Variants in TTC27 observed in about 807,000 individuals in gnomAD.
TTC27 encodes tetratricopeptide repeat domain 27.
In TTC27, 79 loss-of-function variants were observed where a neutral mutation model predicts 115.9. That is an observed-to-expected ratio of 0.68 (90% CI 0.57 to 0.82). The LOEUF (loss-of-function observed/expected upper bound fraction) is 0.82, where lower values mean the gene tolerates loss of function less well. TTC27 is among the 40% of genes least tolerant of loss of function. The pLI, the probability that TTC27 is intolerant of heterozygous loss-of-function variation, is 0.00. For synonymous variants in TTC27, 401 were observed against 356.0 expected, an observed-to-expected ratio of 1.13 and a Z score of -1.42; for missense variants, 1,054 against 993.1, an observed-to-expected ratio of 1.06 and a Z score of -0.82.
chr2:32,710,602 G>A (rs1342654711), intron 10 of TTC27, among the ~76,000 whole-genome samples: 1 of 151,048 alleles, frequency 6.6e-6, no homozygotes, highest in African/African-American at 2.4e-5. Context: ...GCTAATTTTG[G>A]TATTTTTAGT....
intron 12 of TTC27, among the ~76,000 whole-genome samples, chr2:32,753,470 C>T (rs1221658179): frequency 3.6e-5 from 4 of 112,120 alleles, no homozygotes; most frequent in African/African-American, 1.4e-4. Flanking sequence ...CAGAGTCTCT[C>T]TCTGTCACCC....
chr2:32,728,643 T>C (rs1382242279), intron 10 of TTC27, among the ~76,000 whole-genome samples: 1 of 152,218 alleles, frequency 6.6e-6, no homozygotes, highest in Non-Finnish European at 1.5e-5. Flanking sequence ...TTTAATAAAG[T>C]TGCCAACTGT....
At chr2:32,699,744 C>T (rs1190946644) in intron 9 of TTC27, among the ~76,000 whole-genome samples, 1 of 152,178 alleles carries the variant, frequency 6.6e-6, no homozygotes, top group Non-Finnish European at 1.5e-5. Context: ...AAATAGACAT[C>T]ATCACATTCT....
At chr2:32,754,612 C>T (rs1669140020) in intron 12 of TTC27, among the ~76,000 whole-genome samples, 1 of 150,676 alleles carries the variant, frequency 6.6e-6, no homozygotes. Flanking sequence ...TTTTCTATTC[C>T]ACAAAACCGC....
chr2:32,646,029 A>G (rs1664843213), intron 4 of TTC27, among the ~76,000 whole-genome samples: 1 of 125,798 alleles, frequency 7.9e-6, no homozygotes, highest in Admixed American at 8.1e-5. Flanking sequence ...TCAATTTTCA[A>G]TTTTAATTTT....
intron 10 of TTC27, among the ~76,000 whole-genome samples, chr2:32,704,274 C>T (rs1348900322): frequency 6.6e-6 from 1 of 152,028 alleles, no homozygotes; most frequent in Non-Finnish European, 1.5e-5. Context: ...GCAACCTCTA[C>T]CTCTGGGGTT....
chr2:32,789,954 C>G (rs1172111632), intron 16 of TTC27, among the ~76,000 whole-genome samples: 1 of 124,710 alleles, frequency 8.0e-6, no homozygotes, highest in African/African-American at 2.9e-5. Flanking sequence ...AAAGAGAAGT[C>G]TTTCAGGAGC....
chr2:32,693,419 G>C (rs537250924), intron 9 of TTC27, among the ~76,000 whole-genome samples: 38 of 152,320 alleles, frequency 2.5e-4, no homozygotes, highest in Admixed American at 8.5e-4. Context: ...TTTGAGGTTG[G>C]AGCCAAGAAC....
chr2:32,808,370 CTT>C (rs1382367185), intron 16 of TTC27, among the ~76,000 whole-genome samples: 1 of 152,220 alleles, frequency 6.6e-6, no homozygotes, highest in Admixed American at 6.5e-5. Flanking sequence ...ATGTGGAACT[CTT>C]TTCTAAGCTC....
Position 32,678,836 on chromosome 2 carries a change from C to T in TTC27, c.1053-20C>T. ...AACATGCATCTTATAATTAATTTAC[C>T]TTTTTTTCTTAATTTAAAGCACTAA... On this transcript the variant is annotated intron_variant, in intron 8 of 19. Coordinates refer to ENST00000317907, the MANE Select transcript of TTC27 (RefSeq NM_017735.5). The T allele has an allele frequency of 6.3e-7, 1 of 1,576,448 alleles. No homozygotes were observed. Among genetic ancestry groups the T allele is most frequent in the Non-Finnish European group, 8.7e-7 (1 of 1,154,198 alleles).
Position 32,777,988 on chromosome 2 carries a change from T to C in TTC27, c.1779+8T>C. 6.2e-7 allele frequency: 1 copy of C among 1,613,926 alleles called. No individual in the cohort carries two copies. On this transcript the variant is annotated splice_region_variant and intron_variant, in intron 14 of 19. Coordinates refer to ENST00000317907, the MANE Select transcript of TTC27 (RefSeq NM_017735.5). ...GTGACTCTAGAACCCGATGTAAGTT[T>C]GTTTGATCTTCTGTCCTTACGTGGC...
intron 12 of TTC27, among the ~76,000 whole-genome samples, chr2:32,746,563 C>CAAAAAAAAAAA (rs770621313): frequency 0.038 from 1,769 of 46,068 alleles, 225 homozygotes; most frequent in African/African-American, 0.085. Flanking sequence ...AACTCCATCT[C>CAAAAAAAAAAA]AAAAAAAAAA....
rs141968245 is a variant in TTC27 at position 32,679,688 on chromosome 2, G to T, written c.1119+766G>T. ...AAGGCAAAATAAAATACTTTTACTG[G>T]CTAGAAAGAAAAGCTAGATTGTGGT... is the stretch of plus-strand genomic sequence containing the variant. On this transcript the variant is annotated intron_variant, in intron 9 of 19. Coordinates refer to ENST00000317907, the MANE Select transcript of TTC27 (RefSeq NM_017735.5). Among the ~76,000 whole-genome samples, 65 of 152,134 alleles carry T rather than the reference G, an allele frequency of 4.3e-4. No individual in the cohort carries two copies. In the East Asian group the frequency reaches 8.7e-3, roughly 20 times the overall value.
intron 16 of TTC27, among the ~76,000 whole-genome samples, chr2:32,791,411 G>T (rs1252178684): frequency 6.6e-6 from 1 of 152,196 alleles, no homozygotes; most frequent in Non-Finnish European, 1.5e-5. Flanking sequence ...TATATTGAGT[G>T]CTTACTATGT....
intron 5 of TTC27, among the ~76,000 whole-genome samples, chr2:32,656,329 C>T (rs184797748): frequency 6.1e-4 from 93 of 152,118 alleles, no homozygotes; most frequent in African/African-American, 1.9e-3. Flanking sequence ...TGTTCTGAAC[C>T]GGGAGGTCAG....
chr2:32,657,184 A>C (rs1572483257), intron 5 of TTC27, among the ~76,000 whole-genome samples: 1 of 151,182 alleles, frequency 6.6e-6, no homozygotes, highest in African/African-American at 2.4e-5. Flanking sequence ...ACGGGGTTTC[A>C]CTGTGTTAGC....
intron 7 of TTC27, among the ~76,000 whole-genome samples, chr2:32,671,061 T>A (rs1339100088): frequency 6.6e-6 from 1 of 152,216 alleles, no homozygotes; most frequent in Non-Finnish European, 1.5e-5. Context: ...CTTAACAATG[T>A]TTTCAGAGAA....
chr2:32,713,242 A>T (rs1190086937), intron 10 of TTC27, among the ~76,000 whole-genome samples: 4 of 152,184 alleles, frequency 2.6e-5, no homozygotes, highest in African/African-American at 9.7e-5. Context: ...TTACAGCAAC[A>T]CAAAGGGGCT....
intron 16 of TTC27, among the ~76,000 whole-genome samples, chr2:32,801,155 A>G (rs181340521): frequency 2.0e-5 from 3 of 152,282 alleles, no homozygotes; most frequent in Admixed American, 6.5e-5. Context: ...AGTTTTTCTC[A>G]GTGTTTTAAC....
Sources: gnomAD v4.1 joint callset for allele counts (sites outside exome capture counted in the v4.1 genomes callset) on GRCh38, gnomAD v4.1.1 for gene constraint, MANE v1.5 for transcripts, NCBI Gene and HGNC (gene_info 2026-07-23, HGNC 2026-07-21) for gene names.